The following ADK variants were observed in gnomAD, a reference collection of about 807,000 sequenced individuals.
ADK encodes the protein N6,N6-dimethyladenosine kinase.
Under a neutral mutation model 44.7 loss-of-function variants are expected in ADK, and 24 were observed. The ratio of observed to expected loss-of-function variants is 0.54; its 90% CI spans 0.39 to 0.76. The LOEUF is 0.76. Ranked by LOEUF, ADK falls within the 30% of genes least tolerant of loss-of-function variation. ADK has a pLI of 0.00. For missense variants in ADK, 321 were observed against 425.1 expected, an observed-to-expected ratio of 0.76 and a Z score of 2.15; for synonymous variants, 128 against 142.6, an observed-to-expected ratio of 0.90 and a Z score of 0.73.
At chr10:74,590,078 T>A (rs1002338771) in intron 8 of ADK, among the ~76,000 whole-genome samples, 1 of 152,200 alleles carries the variant, frequency 6.6e-6, no homozygotes, top group Admixed American at 6.5e-5. Flanking sequence ...TCCAACTGAT[T>A]GTTAGAAAAC....
intron 4 of ADK, among the ~76,000 whole-genome samples, chr10:74,324,594 T>C (rs897800494): frequency 2.0e-5 from 3 of 152,230 alleles, no homozygotes; most frequent in African/African-American, 7.2e-5. Context: ...GTTCCTTTTT[T>C]TTGTGGATGA....
intron 3 of ADK, among the ~76,000 whole-genome samples, chr10:74,267,751 TA>T (rs1408271281): frequency 7.5e-6 from 1 of 133,618 alleles, no homozygotes; most frequent in African/African-American, 2.7e-5. Flanking sequence ...CTTATATCCT[TA>T]TTTGTGTGTG....
chr10:74,277,083 A>T (rs1276720529), intron 3 of ADK, among the ~76,000 whole-genome samples: 1 of 151,730 alleles, frequency 6.6e-6, no homozygotes. Flanking sequence ...ACACCCAGCT[A>T]ATTTTCCTGT....
intron 3 of ADK, among the ~76,000 whole-genome samples, chr10:74,248,166 T>C (rs1845500517): frequency 6.6e-6 from 1 of 152,160 alleles, no homozygotes; most frequent in Non-Finnish European, 1.5e-5. Flanking sequence ...GTAGAAGACA[T>C]GGACTGAGTG....
intron 10 of ADK, among the ~76,000 whole-genome samples, chr10:74,696,573 T>C (rs1856215617): frequency 6.6e-6 from 1 of 151,696 alleles, no homozygotes; most frequent in South Asian, 2.1e-4. Flanking sequence ...GTTTTCACCA[T>C]GTTAGCCAGG....
At chr10:74,387,293 G>A (rs527629949) in intron 4 of ADK, among the ~76,000 whole-genome samples, 4 of 152,270 alleles carry the variant, frequency 2.6e-5, no homozygotes, top group South Asian at 4.1e-4. Flanking sequence ...TATACTGTGC[G>A]AAACTGAATC....
intron 7 of ADK, among the ~76,000 whole-genome samples, chr10:74,585,451 G>A (rs1851497676): frequency 6.6e-6 from 1 of 152,128 alleles, no homozygotes; most frequent in Admixed American, 6.6e-5. Context: ...CTGAGTAATA[G>A]TGAAAGTTAT....
chr10:74,403,640 G>A (rs552785958), intron 6 of ADK, among the ~76,000 whole-genome samples: 16 of 152,124 alleles, frequency 1.1e-4, no homozygotes, highest in African/African-American at 2.2e-4. Flanking sequence ...TCCAGGTACC[G>A]TCTGTCATGG....
intron 6 of ADK, among the ~76,000 whole-genome samples, chr10:74,429,861 G>A (rs1238939175): frequency 1.3e-5 from 2 of 152,080 alleles, no homozygotes; most frequent in East Asian, 1.9e-4. Context: ...ACTGTGAATC[G>A]GGAGCATATG....
intron 4 of ADK, among the ~76,000 whole-genome samples, chr10:74,326,270 T>A (rs1455341343): frequency 6.6e-6 from 1 of 152,144 alleles, no homozygotes; most frequent in Non-Finnish European, 1.5e-5. Context: ...CTTTATTTTT[T>A]AAAAATAATT....
chr10:74,178,803 G>A lies in ADK; in HGVS notation c.66-21961G>A, dbSNP rs371991901. ...ATCTTGAACTATGGTAACATGGCTC[G>A]AGAAAGCTCTTTTAGATGTTATTTA... On this transcript the variant is annotated intron_variant, in intron 1 of 10. Transcript: ENST00000539909. Among the ~76,000 whole-genome samples the A allele has an allele frequency of 2.6e-4, 39 of 152,226 alleles. 1 individual carries two copies. The Middle Eastern group carries it at 0.01, about 40-fold the overall frequency.
chr10:74,356,002 A>ATATTGGTTTTTTTTTTT (rs57958159), intron 4 of ADK, among the ~76,000 whole-genome samples: 1 of 83,310 alleles, frequency 1.2e-5, no homozygotes, highest in Non-Finnish European at 2.2e-5. Flanking sequence ...TAAATAATTC[A>ATATTGGTTTTTTTTTTT]TTTTTTTTTT....
intron 7 of ADK, among the ~76,000 whole-genome samples, chr10:74,532,799 GCTGAGGCAGGAGAACCCGGGAGGCTGAC>G (rs1849333990): frequency 2.0e-5 from 3 of 151,696 alleles, no homozygotes; most frequent in Admixed American, 2.0e-4. Flanking sequence ...TACTTGGGAG[GCTGAGGCAGGAGAACCCGGGAGGCTGAC>G]CTGAGGCAGG....
At chr10:74,511,077 A>T (rs954597808) in intron 6 of ADK, among the ~76,000 whole-genome samples, 2 of 152,192 alleles carry the variant, frequency 1.3e-5, no homozygotes, top group African/African-American at 4.8e-5. Flanking sequence ...TCTTCTGCAT[A>T]TGGCTATCCA....
chr10:74,475,152 AAAAAC>A lies in ADK; in HGVS notation c.556-50094_556-50090del, dbSNP rs548779978. On this transcript the variant is annotated intron_variant, in intron 6 of 10. Transcript: ENST00000539909. ...AAAACAAAAAACAAAGCAAACAAAA[AAAAAC>A]AAAACAAAAAACCCTTAATTGTCAT... Among the ~76,000 whole-genome samples, 856 of 152,170 alleles carry A rather than the reference AAAAAC, an allele frequency of 5.6e-3. 2 individuals carry two copies. The highest frequency in any genetic ancestry group is 9.2e-3 in the Non-Finnish European group (626 of 67,984).
chr10:74,393,086 G>A (rs1015871810), intron 4 of ADK, among the ~76,000 whole-genome samples: 16 of 152,060 alleles, frequency 1.1e-4, no homozygotes, highest in African/African-American at 3.6e-4. Flanking sequence ...TCATTAAGCT[G>A]TTACTATGTC....
intron 1 of ADK, among the ~76,000 whole-genome samples, chr10:74,168,839 C>T (rs543315389): frequency 2.9e-4 from 44 of 152,154 alleles, no homozygotes; most frequent in Admixed American, 2.2e-3. Flanking sequence ...TCTCAAACTC[C>T]TGACCTCGTG....
intron 6 of ADK, among the ~76,000 whole-genome samples, chr10:74,415,660 T>C (rs1844343742): frequency 6.6e-6 from 1 of 152,172 alleles, no homozygotes; most frequent in African/African-American, 2.4e-5. Flanking sequence ...TGGCTGTTAG[T>C]GTATTTACAG....
At chr10:74,248,834 G>C (rs1199806333) in intron 3 of ADK, among the ~76,000 whole-genome samples, 1 of 152,168 alleles carries the variant, frequency 6.6e-6, no homozygotes, top group Non-Finnish European at 1.5e-5. Context: ...CTTGAAGGAG[G>C]ATGAGTTTTG....
Sources: gnomAD v4.1 joint callset for allele counts (sites outside exome capture counted in the v4.1 genomes callset) on GRCh38, gnomAD v4.1.1 for gene constraint, MANE v1.5 for transcripts, NCBI Gene and HGNC (gene_info 2026-07-23, HGNC 2026-07-21) for gene names.